LIMCH1: variants seen among roughly 807,000 people sequenced by gnomAD.
LIMCH1 encodes the protein LIM and calponin homology domains-containing protein 1.
A neutral mutation model predicts 176.5 loss-of-function variants in LIMCH1; 113 were observed. The observed-to-expected ratio is 0.64, with a 90% CI of 0.55 to 0.75. LIMCH1 has a LOEUF of 0.75. LIMCH1 is among the 30% of genes least tolerant of loss of function. The pLI is 0.00. For synonymous variants in LIMCH1, 619 were observed against 645.9 expected, an observed-to-expected ratio of 0.96 and a Z score of 0.63; for missense variants, 1,674 against 1,814.9, an observed-to-expected ratio of 0.92 and a Z score of 1.41.
At chr4:41,639,877 G>T (rs1049903085) in intron 14 of LIMCH1, among the ~76,000 whole-genome samples, 1 of 152,170 alleles carries the variant, frequency 6.6e-6, no homozygotes, top group African/African-American at 2.4e-5. Flanking sequence ...GTAATCACCA[G>T]TCCTCCTCTG....
chr4:41,675,993 T>C (rs2095204620), intron 22 of LIMCH1, among the ~76,000 whole-genome samples: 1 of 152,206 alleles, frequency 6.6e-6, no homozygotes, highest in South Asian at 2.1e-4. Flanking sequence ...CAAAATGCAT[T>C]TCTGCTAAAA....
chr4:41,641,543 A>C (rs942752040), intron 14 of LIMCH1, among the ~76,000 whole-genome samples: 1 of 152,146 alleles, frequency 6.6e-6, no homozygotes, highest in African/African-American at 2.4e-5. Flanking sequence ...AGTGTTTCAG[A>C]TTTTGAACTT....
Position 41,613,567 on chromosome 4 carries a change from C to T in LIMCH1, c.111C>T (p.His37=), listed in dbSNP as rs1179227639. The T allele has an allele frequency of 1.4e-5, 22 of 1,614,006 alleles. No homozygotes were observed. The highest frequency in any genetic ancestry group is 7.7e-5 in the South Asian group (7 of 91,072). ...ERSDSLSPPR[H]GRDDSFDSLD... Reference sequence around the variant, plus strand: ...GCGACTCCCTCTCTCCTCCTCGCCACGGCAGAGATGATTCCTTCGACAGCC... The same window carrying T: ...GCGACTCCCTCTCTCCTCCTCGCCATGGCAGAGATGATTCCTTCGACAGCC... Residue 37 remains histidine (H), a synonymous_variant, in exon 5 of 32, where the codon CAC becomes CAT. Coordinates refer to ENST00000503057, the MANE Select transcript of LIMCH1 (RefSeq NM_001330672.2).
chr4:41,419,663 T>C (rs1581864663), intron 1 of LIMCH1, among the ~76,000 whole-genome samples: 2 of 71,518 alleles, frequency 2.8e-5, no homozygotes, highest in East Asian at 7.4e-4. Flanking sequence ...CTTCCTTCCT[T>C]CCTTCCTTCC....
At chr4:41,608,279 C>G (rs2090992905) in intron 4 of LIMCH1, among the ~76,000 whole-genome samples, 1 of 152,174 alleles carries the variant, frequency 6.6e-6, no homozygotes, top group Non-Finnish European at 1.5e-5. Flanking sequence ...TTAAACACAC[C>G]TCTGGGAAAT....
intron 1 of LIMCH1, among the ~76,000 whole-genome samples, chr4:41,552,237 T>C (rs1489478440): frequency 3.9e-5 from 6 of 151,934 alleles, no homozygotes; most frequent in East Asian, 3.9e-4. Flanking sequence ...CAATTGAAGA[T>C]GAGATTTGGG....
intron 2 of LIMCH1, among the ~76,000 whole-genome samples, chr4:41,497,318 G>GA (rs34534406): frequency 3.2e-4 from 45 of 142,030 alleles, no homozygotes; most frequent in Non-Finnish European, 2.8e-4. Flanking sequence ...GGAGTCTAAA[G>GA]AAAAAAAAAA....
intron 1 of LIMCH1, among the ~76,000 whole-genome samples, chr4:41,383,145 T>A (rs902783482): frequency 2.0e-5 from 3 of 152,222 alleles, no homozygotes; most frequent in African/African-American, 7.2e-5. Context: ...TAATAATCAG[T>A]TGTAAGTCTG....
At chr4:41,372,780 T>G (rs2054170349) in intron 1 of LIMCH1, among the ~76,000 whole-genome samples, 1 of 152,188 alleles carries the variant, frequency 6.6e-6, no homozygotes, top group Non-Finnish European at 1.5e-5. Context: ...AGCACTGTTT[T>G]CATCCAGGAA....
At chr4:41,569,502 C>T (rs1191167280) in intron 1 of LIMCH1, among the ~76,000 whole-genome samples, 1 of 152,148 alleles carries the variant, frequency 6.6e-6, no homozygotes, top group African/African-American at 2.4e-5. Flanking sequence ...GCTAAGGGAG[C>T]TTCCTCTACT....
At chr4:41,388,781 TACAGGC>T (rs2056835045) in intron 1 of LIMCH1, among the ~76,000 whole-genome samples, 2 of 152,174 alleles carry the variant, frequency 1.3e-5, no homozygotes, top group South Asian at 4.1e-4. Flanking sequence ...TAGCTGGGAT[TACAGGC>T]ACCTGCCACC....
chr4:41,368,866 A>C (rs1331993188), intron 1 of LIMCH1, among the ~76,000 whole-genome samples: 2 of 152,124 alleles, frequency 1.3e-5, no homozygotes, highest in African/African-American at 2.4e-5. Flanking sequence ...GGACTTTGGG[A>C]TTTGTGTTTG....
At chr4:41,597,853 G>C (rs2089198019) in intron 1 of LIMCH1, among the ~76,000 whole-genome samples, 1 of 152,204 alleles carries the variant, frequency 6.6e-6, no homozygotes, top group Non-Finnish European at 1.5e-5. Flanking sequence ...TACATTGGGG[G>C]CAGGATTCTT....
At chr4:41,466,012 G>A (rs531234646) in intron 1 of LIMCH1, among the ~76,000 whole-genome samples, 74 of 143,850 alleles carry the variant, frequency 5.1e-4, no homozygotes, top group Non-Finnish European at 7.8e-4. Flanking sequence ...ACACTGGAGT[G>A]CAGTGGCACG....
intron 1 of LIMCH1, among the ~76,000 whole-genome samples, chr4:41,582,440 G>A (rs1396239174): frequency 6.6e-6 from 1 of 152,136 alleles, no homozygotes; most frequent in Non-Finnish European, 1.5e-5. Flanking sequence ...CTTGGTTTGG[G>A]CATCATTTTC....
chr4:41,649,273 G>A (rs1418993878), intron 17 of LIMCH1, among the ~76,000 whole-genome samples: 5 of 152,092 alleles, frequency 3.3e-5, no homozygotes, highest in African/African-American at 1.2e-4. Context: ...GTTGGCATAC[G>A]CCTGTAATCC....
intron 1 of LIMCH1, among the ~76,000 whole-genome samples, chr4:41,462,768 A>C (rs2065556504): frequency 6.6e-6 from 1 of 152,224 alleles, no homozygotes; most frequent in African/African-American, 2.4e-5. Context: ...TGGATATGAA[A>C]CATAAAAGAG....
At chr4:41,568,987 A>T (rs566453668) in intron 1 of LIMCH1, among the ~76,000 whole-genome samples, 23 of 151,872 alleles carry the variant, frequency 1.5e-4, no homozygotes, top group African/African-American at 5.6e-4. Context: ...TAATCAAGAA[A>T]TGTCTCATAT....
chr4:41,553,701 T>C (rs10003436), intron 1 of LIMCH1, among the ~76,000 whole-genome samples: 28,887 of 152,052 alleles, frequency 0.19, 4,943 homozygotes, highest in African/African-American at 0.46. Flanking sequence ...GATGTTGGTG[T>C]CAGTGGATCA....
Sources: gnomAD v4.1 joint callset for allele counts (sites outside exome capture counted in the v4.1 genomes callset) on GRCh38, gnomAD v4.1.1 for gene constraint, MANE v1.5 for transcripts, NCBI Gene and HGNC (gene_info 2026-07-23, HGNC 2026-07-21) for gene names.